OR10J1: variants seen among roughly 807,000 people sequenced by gnomAD.
OR10J1 encodes the protein olfactory receptor family 10 subfamily J member 1.
For synonymous variants in OR10J1, 202 were observed against 143.8 expected (o/e 1.40, Z -2.89); for missense variants, 474 against 376.6 (o/e 1.26, Z -2.14).
At chr1:159,408,512 G>C in the OR10J1 span, among the ~76,000 whole-genome samples, 2 of 151,378 alleles carry the variant, frequency 1.3e-5, no homozygotes, top group Non-Finnish European at 2.9e-5. Context: ...TATACCTAAT[G>C]CTAGATGACG....
the OR10J1 span, among the ~76,000 whole-genome samples, chr1:159,416,465 G>A: frequency 6.8e-6 from 1 of 147,114 alleles, no homozygotes; most frequent in African/African-American, 2.5e-5. Flanking sequence ...TTTTTTTGAT[G>A]TGCTGTTGGT....
At chr1:159,404,456 C>A in the OR10J1 span, among the ~76,000 whole-genome samples, 1 of 151,994 alleles carries the variant, frequency 6.6e-6, no homozygotes, top group African/African-American at 2.4e-5. Context: ...CGCGACAGTG[C>A]CACATTTGTA....
At position 159,439,769 on chromosome 1, in the gene OR10J1, G is replaced by A. The variant is rs376758528; in HGVS notation, c.-23G>A. ...GACTATGTGACTTTTATGCTTTTAT[G>A]TTTCAGATTTGGGAACCAATCCATG... On this transcript the variant is annotated 5_prime_UTR_variant, in exon 1 of 1. It removes an upstream start codon present in the reference 5' UTR. Coordinates refer to ENST00000423932, the MANE Select transcript of OR10J1 (RefSeq NM_012351.3). 70 of 1,613,328 alleles carry A rather than the reference G, an allele frequency of 4.3e-5. No homozygotes were observed. Among genetic ancestry groups the A allele is most frequent in the Non-Finnish European group, 5.5e-5 (65 of 1,179,588 alleles).
rs774041431 is a variant in OR10J1 at position 159,440,089 on chromosome 1, C to G, written c.298C>G (p.Gln100Glu). 1.2e-6 allele frequency: 2 copies of G among 1,614,108 alleles called. No homozygotes were observed. Among genetic ancestry groups the G allele is most frequent in the Non-Finnish European group, 1.7e-6 (2 of 1,180,012 alleles). Residue 100 changes from glutamine (Q) to glutamate (E), a missense_variant, in exon 1 of 1, where the codon CAG (glutamine) becomes GAG (glutamate). Coordinates refer to ENST00000423932, the MANE Select transcript of OR10J1 (RefSeq NM_012351.3). ...CATATCATTGGCAGGGTGTGCCACA[C>G]AGATGTTCTTTTTTGTAACCTTTGG... ...QPISLAGCAT[Q>E]MFFFVTFGIT...
the OR10J1 span, among the ~76,000 whole-genome samples, chr1:159,415,125 T>C: frequency 1.3e-5 from 2 of 152,084 alleles, no homozygotes; most frequent in African/African-American, 4.8e-5. Flanking sequence ...GCGATCTTCA[T>C]TATACATAAA....
the OR10J1 span, among the ~76,000 whole-genome samples, chr1:159,418,962 T>G: frequency 1.3e-5 from 2 of 152,336 alleles, no homozygotes; most frequent in South Asian, 4.1e-4. Flanking sequence ...ATTTCAGACT[T>G]GCATGGGGCC....
At chr1:159,430,676 C>CACGCGT in the OR10J1 span, among the ~76,000 whole-genome samples, 1 of 47,258 alleles carries the variant, frequency 2.1e-5, no homozygotes, top group Non-Finnish European at 7.7e-5. Flanking sequence ...TGTGCGCGCG[C>CACGCGT]GCACATGTTT....
At chr1:159,423,069 C>G in the OR10J1 span, among the ~76,000 whole-genome samples, 171 of 152,224 alleles carry the variant, frequency 1.1e-3, no homozygotes, top group Admixed American at 3.5e-3. Flanking sequence ...CATCTTGAAG[C>G]CCCTCTTCTA....
chr1:159,406,414 G>T, the OR10J1 span: 3 of 388,038 alleles, frequency 7.7e-6, no homozygotes, highest in Non-Finnish European at 1.0e-5. Flanking sequence ...AAAGACAGAG[G>T]TGAGGCTCCA....
the OR10J1 span, among the ~76,000 whole-genome samples, chr1:159,419,120 G>C: frequency 2.6e-5 from 4 of 152,194 alleles, no homozygotes; most frequent in African/African-American, 7.2e-5. Context: ...GCTCAGATGA[G>C]ATTTTAAGCT....
chr1:159,414,573 A>G, the OR10J1 span, among the ~76,000 whole-genome samples: 1 of 151,144 alleles, frequency 6.6e-6, no homozygotes, highest in Non-Finnish European at 1.5e-5. Flanking sequence ...TATCTCTTCA[A>G]TATATTGATT....
At chr1:159,406,113 C>T in the OR10J1 span, 54,645 of 441,392 alleles carry the variant, frequency 0.12, 4,094 homozygotes, top group Admixed American at 0.23. Context: ...ATTCAAGAGG[C>T]GAGAAAGCAT....
At chr1:159,438,974 G>T (rs1400244764), upstream of OR10J1, among the ~76,000 whole-genome samples, 2 of 152,192 alleles carry the variant, frequency 1.3e-5, no homozygotes, top group African/African-American at 4.8e-5. Flanking sequence ...CAGAGTGGGT[G>T]TAGGCTTACT....
the OR10J1 span, among the ~76,000 whole-genome samples, chr1:159,409,731 T>A: frequency 1.3e-5 from 2 of 152,132 alleles, no homozygotes; most frequent in Admixed American, 1.3e-4. Flanking sequence ...TTTTAAAAAT[T>A]ATATTGAATA....
At chr1:159,403,411 C>G in the OR10J1 span, among the ~76,000 whole-genome samples, 1 of 152,118 alleles carries the variant, frequency 6.6e-6, no homozygotes, top group African/African-American at 2.4e-5. Flanking sequence ...ACAAACAACT[C>G]TATATGAAAA....
Position 159,440,427 on chromosome 1 carries a change from G to T in OR10J1, c.636G>T (p.Leu212=). Residue 212 remains leucine, a synonymous_variant, in exon 1 of 1, where the codon CTG becomes CTT. Coordinates refer to ENST00000423932, the MANE Select transcript of OR10J1 (RefSeq NM_012351.3). ...TGGTGCTTGTTGTACCTATGGGTCT[G>T]GTTTTCATTTCTTATGTTCTCATTA... ...SVLVLVVPMG[L]VFISYVLIIS... is the part of the protein sequence containing the mutation. 6.2e-7 allele frequency: 1 copy of T among 1,614,086 alleles called. No individual in the cohort carries two copies. Among genetic ancestry groups the T allele is most frequent in the African/African-American group, 1.3e-5 (1 of 74,992 alleles).
chr1:159,419,662 A>C, the OR10J1 span, among the ~76,000 whole-genome samples: 1 of 152,250 alleles, frequency 6.6e-6, no homozygotes, highest in East Asian at 1.9e-4. Flanking sequence ...CTTGATTTCT[A>C]GTTTTATTCC....
At chr1:159,434,591 C>A (rs562876530), upstream of OR10J1, among the ~76,000 whole-genome samples, 9 of 152,250 alleles carry the variant, frequency 5.9e-5, 1 homozygote, top group Admixed American at 5.9e-4. Context: ...GTAGGAGATG[C>A]TAAAACAGTA....
chr1:159,437,154 A>G (rs1017138882), upstream of OR10J1, among the ~76,000 whole-genome samples: 2 of 152,236 alleles, frequency 1.3e-5, no homozygotes, highest in Non-Finnish European at 2.9e-5. Flanking sequence ...TTAGAAGCTT[A>G]CCAAATAAAG....
Sources: allele counts gnomAD v4.1 joint callset (sites outside exome capture counted in the v4.1 genomes callset), GRCh38; gene constraint gnomAD v4.1.1; transcripts MANE v1.5; gene names NCBI Gene and HGNC (gene_info 2026-07-23, HGNC 2026-07-21).